GPC5: variants seen among roughly 807,000 people sequenced by gnomAD.
GPC5 encodes the protein glypican 5.
GPC5 carries 47 observed loss-of-function variants against 53.9 expected under a neutral mutation model. The observed-to-expected ratio is 0.87, with a 90% CI of 0.69 to 1.11. GPC5 has a LOEUF of 1.11. Ranked by LOEUF, GPC5 falls within the 50% of genes most tolerant of loss-of-function variation. The pLI is 0.00. For missense variants in GPC5, 748 were observed against 713.1 expected, an observed-to-expected ratio of 1.05 and a Z score of -0.56; for synonymous variants, 286 against 263.3, an observed-to-expected ratio of 1.09 and a Z score of -0.84.
intron 7 of GPC5, among the ~76,000 whole-genome samples, chr13:92,261,296 C>G (rs1383618181): frequency 6.6e-6 from 1 of 152,070 alleles, no homozygotes; most frequent in Admixed American, 6.6e-5. Context: ...TAGAATCATA[C>G]AATCTTACAA....
intron 5 of GPC5, among the ~76,000 whole-genome samples, chr13:91,850,490 T>A (rs1338784687): frequency 6.6e-6 from 1 of 152,172 alleles, no homozygotes; most frequent in Non-Finnish European, 1.5e-5. Context: ...GCAACACCTA[T>A]ATGTAATAAA....
chr13:92,200,165 C>T lies in GPC5; in HGVS notation c.1561+55176C>T, dbSNP rs551200298. Among the ~76,000 whole-genome samples, 5 of 144,996 alleles carry T rather than the reference C, an allele frequency of 3.4e-5. No homozygotes were observed. The East Asian group carries it at 1.1e-3, about 31-fold the overall frequency. On this transcript the variant is annotated intron_variant, in intron 7 of 7. Transcript: ENST00000377067. ...CTTAATTTTCTTTCTTTTATATTTC[C>T]CTTTTTCCAAGTGCCAAATAAAATT...
chr13:92,512,820 G>A (rs978554197), intron 7 of GPC5, among the ~76,000 whole-genome samples: 5 of 152,134 alleles, frequency 3.3e-5, no homozygotes, highest in African/African-American at 1.2e-4. Context: ...TAGCCAATTG[G>A]CTTTATAGCT....
chr13:91,936,920 A>T (rs2139039436), intron 6 of GPC5, among the ~76,000 whole-genome samples: 1 of 152,112 alleles, frequency 6.6e-6, no homozygotes, highest in South Asian at 2.1e-4. Flanking sequence ...TCTCAAAATT[A>T]TGCATATCTA....
intron 7 of GPC5, among the ~76,000 whole-genome samples, chr13:92,164,606 G>A (rs2042013974): frequency 6.6e-6 from 1 of 152,296 alleles, no homozygotes. Flanking sequence ...GGTGTTGAGT[G>A]TCTGTGGCTT....
intron 7 of GPC5, among the ~76,000 whole-genome samples, chr13:92,666,945 G>T (rs867932773): frequency 1.3e-5 from 2 of 152,048 alleles, no homozygotes; most frequent in Admixed American, 1.3e-4. Flanking sequence ...CTCGGCATTT[G>T]GTTCTATTCC....
intron 7 of GPC5, among the ~76,000 whole-genome samples, chr13:92,831,409 C>T (rs183532904): frequency 6.6e-6 from 1 of 152,176 alleles, no homozygotes; most frequent in Admixed American, 6.5e-5. Context: ...TACTTTATTA[C>T]AACATTACTC....
At chr13:91,978,804 G>A (rs1343912313) in intron 6 of GPC5, among the ~76,000 whole-genome samples, 1 of 152,160 alleles carries the variant, frequency 6.6e-6, no homozygotes, top group Non-Finnish European at 1.5e-5. Context: ...GGTAATATGA[G>A]GGCAGGATGA....
chr13:91,749,590 T>G (rs1439257652), intron 4 of GPC5, among the ~76,000 whole-genome samples: 8 of 152,204 alleles, frequency 5.3e-5, no homozygotes, highest in Non-Finnish European at 2.9e-5. Flanking sequence ...AAGTGGGATT[T>G]CCTTTGGGAA....
chr13:92,682,767 GTTTCTA>G (rs993419475), intron 7 of GPC5, among the ~76,000 whole-genome samples: 2 of 152,132 alleles, frequency 1.3e-5, no homozygotes, highest in Admixed American at 1.3e-4. Context: ...TTATCAAATA[GTTTCTA>G]TTTCAAGAAA....
At chr13:91,468,820 A>C (rs1882414042) in intron 2 of GPC5, among the ~76,000 whole-genome samples, 1 of 151,438 alleles carries the variant, frequency 6.6e-6, no homozygotes, top group Non-Finnish European at 1.5e-5. Flanking sequence ...AAATTTAGCC[A>C]ATAAAATCTT....
chr13:92,273,624 G>A (rs2042855135), intron 7 of GPC5, among the ~76,000 whole-genome samples: 1 of 151,856 alleles, frequency 6.6e-6, no homozygotes, highest in Non-Finnish European at 1.5e-5. Flanking sequence ...GCTTTGGTGA[G>A]ATATTTATAT....
intron 7 of GPC5, among the ~76,000 whole-genome samples, chr13:92,178,975 A>C (rs2042127866): frequency 6.6e-6 from 1 of 151,908 alleles, no homozygotes; most frequent in African/African-American, 2.4e-5. Flanking sequence ...TGTCTCAAAA[A>C]ATAAATGAAT....
intron 1 of GPC5, among the ~76,000 whole-genome samples, chr13:91,411,445 C>A (rs1475725006): frequency 2.0e-5 from 3 of 152,198 alleles, no homozygotes; most frequent in Admixed American, 2.0e-4. Context: ...GGCCTCTCCA[C>A]CCTACCCTTT....
intron 2 of GPC5, among the ~76,000 whole-genome samples, chr13:91,508,131 GT>G (rs1885044602): frequency 6.6e-6 from 1 of 152,068 alleles, no homozygotes; most frequent in Admixed American, 6.6e-5. Context: ...AATACCTAAT[GT>G]TTTCAAAATG....
chr13:91,412,738 C>T (rs973036432), intron 1 of GPC5, among the ~76,000 whole-genome samples: 10 of 152,186 alleles, frequency 6.6e-5, no homozygotes, highest in African/African-American at 2.4e-4. Context: ...TTCTCATCTA[C>T]AAACACTGAA....
At chr13:91,961,712 T>C (rs1437969467) in intron 6 of GPC5, among the ~76,000 whole-genome samples, 1 of 152,012 alleles carries the variant, frequency 6.6e-6, no homozygotes, top group East Asian at 1.9e-4. Flanking sequence ...CGGCAATAAG[T>C]AAAGATAACT....
At chr13:91,960,109 C>G (rs960074191) in intron 6 of GPC5, among the ~76,000 whole-genome samples, 2 of 151,224 alleles carry the variant, frequency 1.3e-5, no homozygotes, top group Non-Finnish European at 3.0e-5. Context: ...TAAATTTATC[C>G]AAATTGGAAA....
chr13:91,862,424 T>A (rs892139954), intron 5 of GPC5, among the ~76,000 whole-genome samples: 10 of 152,110 alleles, frequency 6.6e-5, no homozygotes, highest in African/African-American at 2.4e-4. Flanking sequence ...GCCTGGGGAA[T>A]AGGGTGGGGA....
Sources: gnomAD v4.1 joint callset for allele counts (sites outside exome capture counted in the v4.1 genomes callset) on GRCh38, gnomAD v4.1.1 for gene constraint, MANE v1.5 for transcripts, NCBI Gene and HGNC (gene_info 2026-07-23, HGNC 2026-07-21) for gene names.